CNGB3: variants seen among roughly 807,000 people sequenced by gnomAD.
CNGB3 encodes the protein cyclic nucleotide-gated channel beta-3.
In CNGB3, 86 loss-of-function variants were observed where a neutral mutation model predicts 92.8. The ratio of observed to expected loss-of-function variants is 0.93; its 90% CI spans 0.78 to 1.11. The LOEUF (loss-of-function observed/expected upper bound fraction) is 1.11. Among genes scored for constraint, CNGB3 ranks in the 50% least tolerant of loss-of-function variants. CNGB3 has a pLI of 0.00. For missense variants in CNGB3, 1,026 were observed against 956.8 expected (o/e 1.07, Z -0.95); for synonymous variants, 333 against 332.7 (o/e 1.00, Z -0.01).
intron 15 of CNGB3, among the ~76,000 whole-genome samples, chr8:86,585,773 G>A (rs1488419431): frequency 6.6e-6 from 1 of 152,074 alleles, no homozygotes; most frequent in Admixed American, 6.6e-5. Flanking sequence ...ATATTCTTGC[G>A]ATAGACACAA....
intron 15 of CNGB3, among the ~76,000 whole-genome samples, chr8:86,584,224 T>C (rs1014500289): frequency 1.3e-5 from 2 of 152,190 alleles, no homozygotes; most frequent in African/African-American, 2.4e-5. Flanking sequence ...CCTTCTTCCC[T>C]TTCTATGAAA....
chr8:86,743,545 T>G lies in CNGB3; in HGVS notation c.83A>C (p.Glu28Ala), dbSNP rs767691320. 3.1e-6 allele frequency: 5 copies of G among 1,614,060 alleles called. No homozygotes were observed. In the South Asian group the frequency reaches 5.5e-5, roughly 18 times the overall value. ...CTGATTACTTGGGTGAGAGCCTTCTTCATTCCGACGAGAACTTTGTTCATT... is the reference window on the plus strand; with the variant it reads ...CTGATTACTTGGGTGAGAGCCTTCTGCATTCCGACGAGAACTTTGTTCATT... ...NENEQSSRRN[E>A]EGSHPSNQSQ... Residue 28 changes from glutamate (E) to alanine (A), a missense_variant, in exon 1 of 18, where the codon GAA becomes GCA. Transcript: ENST00000320005.
chr8:86,618,209 A>G (rs1002782770), intron 13 of CNGB3, among the ~76,000 whole-genome samples: 1 of 152,184 alleles, frequency 6.6e-6, no homozygotes, highest in African/African-American at 2.4e-5. Context: ...AATACAGATG[A>G]AGCTGCTCTC....
At chr8:86,590,271 G>A (rs1821998721) in intron 15 of CNGB3, among the ~76,000 whole-genome samples, 1 of 151,976 alleles carries the variant, frequency 6.6e-6, no homozygotes, top group East Asian at 1.9e-4. Flanking sequence ...ACAGCACACT[G>A]ATGGGTCTTG....
At chr8:86,706,524 T>C (rs1468823123) in intron 3 of CNGB3, among the ~76,000 whole-genome samples, 1 of 152,212 alleles carries the variant, frequency 6.6e-6, no homozygotes. Flanking sequence ...TGGCCACCAG[T>C]TGGATCTTAA....
intron 3 of CNGB3, among the ~76,000 whole-genome samples, chr8:86,680,596 G>A (rs1824063993): frequency 6.6e-6 from 1 of 152,176 alleles, no homozygotes; most frequent in Non-Finnish European, 1.5e-5. Flanking sequence ...CCTCTAGGTG[G>A]TGAGAGGGAA....
chr8:86,657,442 G>T (rs946457439), intron 6 of CNGB3: 2 of 513,744 alleles, frequency 3.9e-6, no homozygotes, highest in Non-Finnish European at 4.0e-6. Context: ...GAATGCAGGG[G>T]TTGCTGCCCA....
intron 2 of CNGB3, among the ~76,000 whole-genome samples, chr8:86,735,046 T>TTTG (rs1825222998): frequency 1.3e-5 from 1 of 77,660 alleles, no homozygotes; most frequent in African/African-American, 4.5e-5. Context: ...CCGGTGGTTT[T>TTTG]TTTTTTTTTT....
intron 14 of CNGB3, among the ~76,000 whole-genome samples, chr8:86,610,267 G>T (rs1822493419): frequency 6.6e-6 from 1 of 151,796 alleles, no homozygotes; most frequent in Non-Finnish European, 1.5e-5. Flanking sequence ...TCTTTTTTTT[G>T]CTCAGTGCCC....
chr8:86,722,129 A>G (rs1367606776), intron 3 of CNGB3, among the ~76,000 whole-genome samples: 1 of 152,120 alleles, frequency 6.6e-6, no homozygotes, highest in Non-Finnish European at 1.5e-5. Context: ...GGCACTGAAC[A>G]TTTCACTCAC....
intron 6 of CNGB3, among the ~76,000 whole-genome samples, chr8:86,665,309 A>G (rs1428659785): frequency 6.6e-6 from 1 of 152,154 alleles, no homozygotes; most frequent in Non-Finnish European, 1.5e-5. Context: ...GCACTTATAA[A>G]CTGTTGGTAG....
rs556454048 is a variant in CNGB3, at chr8:86,668,569, C to G, written c.494-401G>C. 5.9e-5 allele frequency among the ~76,000 whole-genome samples: 9 copies of G among 151,738 alleles called. No individual in the cohort carries two copies. In the South Asian group the frequency reaches 1.7e-3, roughly 28 times the overall value. ...ATACAGACAGATGAAACAAAACCTT[C>G]ATGACATTTAAAATAGTGACATTTA... On this transcript the variant is annotated intron_variant, in intron 4 of 17. Transcript: ENST00000320005.
At chr8:86,713,695 G>T (rs1266769756) in intron 3 of CNGB3, among the ~76,000 whole-genome samples, 1 of 152,128 alleles carries the variant, frequency 6.6e-6, no homozygotes, top group East Asian at 1.9e-4. Flanking sequence ...TATAAGTTTA[G>T]TATTTGGAGG....
chr8:86,619,751 T>TTTTG (rs1822690073), intron 13 of CNGB3, among the ~76,000 whole-genome samples: 1 of 121,216 alleles, frequency 8.2e-6, no homozygotes. Flanking sequence ...TTTTTTTTTT[T>TTTTG]GCGACAGGGT....
At chr8:86,579,358 T>A in intron 15 of CNGB3, 106 bp from the exon 16 acceptor site, 4 of 1,332,760 alleles carry the variant, frequency 3.0e-6, no homozygotes, top group Non-Finnish European at 4.3e-6. Context: ...GCTTCAGAAA[T>A]CATTCCCTAG....
At chr8:86,732,119 T>G (rs1399152437) in intron 2 of CNGB3, among the ~76,000 whole-genome samples, 3 of 152,230 alleles carry the variant, frequency 2.0e-5, no homozygotes, top group African/African-American at 7.2e-5. Context: ...TAGGGTCTCT[T>G]AAATTTTTAG....
At chr8:86,694,462 A>G (rs1419910529) in intron 3 of CNGB3, among the ~76,000 whole-genome samples, 1 of 150,822 alleles carries the variant, frequency 6.6e-6, no homozygotes, top group Non-Finnish European at 1.5e-5. Context: ...CACTTCCCAG[A>G]CGGGGTGGCT....
At chr8:86,635,861 T>TATATATATATACAC (rs796498363) in intron 10 of CNGB3, among the ~76,000 whole-genome samples, 1 of 66,270 alleles carries the variant, frequency 1.5e-5, no homozygotes, top group East Asian at 5.2e-4. Flanking sequence ...TATATATATA[T>TATATATATATACAC]ATACACATAC....
At chr8:86,588,257 C>T (rs1221016722) in intron 15 of CNGB3, among the ~76,000 whole-genome samples, 1 of 144,278 alleles carries the variant, frequency 6.9e-6, no homozygotes, top group African/African-American at 2.7e-5. Flanking sequence ...ATGGGGTTTT[C>T]TAGATATACA....
Sources: gnomAD v4.1 joint callset for allele counts (sites outside exome capture counted in the v4.1 genomes callset) on GRCh38, gnomAD v4.1.1 for gene constraint, MANE v1.5 for transcripts, NCBI Gene and HGNC (gene_info 2026-07-23, HGNC 2026-07-21) for gene names.